The following AQP7B variants were observed in gnomAD, a reference collection of about 807,000 sequenced individuals.
AQP7B encodes the protein aquaporin 7B.
chr2:94,591,249 T>C, the AQP7B span, among the ~76,000 whole-genome samples: 1 of 152,138 alleles, frequency 6.6e-6, no homozygotes, highest in Non-Finnish European at 1.5e-5. Flanking sequence ...TCTAGCGGGC[T>C]CCTCACACTC....
chr2:94,598,092 G>T, the AQP7B span, among the ~76,000 whole-genome samples: 1 of 152,320 alleles, frequency 6.6e-6, no homozygotes, highest in East Asian at 1.9e-4. Flanking sequence ...TTGCTGTGCA[G>T]ATTTGTTGTG....
chr2:94,591,859 CA>C, the AQP7B span, among the ~76,000 whole-genome samples: 1 of 152,148 alleles, frequency 6.6e-6, no homozygotes, highest in African/African-American at 2.4e-5. Flanking sequence ...CTAGGCCATT[CA>C]CTTCCTCCAC....
chr2:94,587,671 G>A, the AQP7B span, among the ~76,000 whole-genome samples: 2 of 152,176 alleles, frequency 1.3e-5, no homozygotes, highest in Admixed American at 6.5e-5. Context: ...CAGTAGAGCA[G>A]AGATGGCAGG....
chr2:94,601,073 CAG>C, the AQP7B span, among the ~76,000 whole-genome samples: 1 of 152,046 alleles, frequency 6.6e-6, no homozygotes. Flanking sequence ...ACAAATAAAA[CAG>C]AGGCACAAGA....
At chr2:94,596,082 G>T in the AQP7B span, among the ~76,000 whole-genome samples, 360 of 152,344 alleles carry the variant, frequency 2.4e-3, 3 homozygotes, top group Middle Eastern at 6.8e-3. Flanking sequence ...CATGACAGAG[G>T]GGGGCAGTGG....
chr2:94,602,006 G>A, the AQP7B span, among the ~76,000 whole-genome samples: 1 of 148,918 alleles, frequency 6.7e-6, no homozygotes, highest in African/African-American at 2.5e-5. Flanking sequence ...AGCATTGTGG[G>A]AATTGCGGCG....
the AQP7B span, chr2:94,603,748 A>G: frequency 2.6e-6 from 4 of 1,516,370 alleles, no homozygotes; most frequent in African/African-American, 4.1e-5. Flanking sequence ...GTGTCTCTTC[A>G]CCATCACGGA....
chr2:94,603,553 A>G, the AQP7B span: 5 of 1,545,132 alleles, frequency 3.2e-6, no homozygotes, highest in East Asian at 2.3e-5. Flanking sequence ...CCCTCAGGAC[A>G]GAGCCAGCAG....
the AQP7B span, among the ~76,000 whole-genome samples, chr2:94,595,448 AAG>A: frequency 2.0e-5 from 3 of 152,076 alleles, no homozygotes; most frequent in East Asian, 1.9e-4. Context: ...AAAGAAAAAA[AAG>A]AAAAAAAAAG....
At chr2:94,593,514 T>G in the AQP7B span, among the ~76,000 whole-genome samples, 1 of 142,654 alleles carries the variant, frequency 7.0e-6, no homozygotes, top group Non-Finnish European at 1.5e-5. Flanking sequence ...AGATGGAGTC[T>G]CGCTCTTGTT....
the AQP7B span, among the ~76,000 whole-genome samples, chr2:94,591,379 TC>T: frequency 3.9e-5 from 6 of 152,090 alleles, no homozygotes; most frequent in Non-Finnish European, 8.8e-5. Context: ...CCCGCTCCCT[TC>T]CCTCTCTAAC....
chr2:94,598,084 G>T, the AQP7B span, among the ~76,000 whole-genome samples: 3 of 152,176 alleles, frequency 2.0e-5, no homozygotes, highest in African/African-American at 7.2e-5. Context: ...AAAAATTCTT[G>T]CTGTGCAGAT....
the AQP7B span, chr2:94,604,585 T>G: frequency 6.4e-7 from 1 of 1,559,794 alleles, no homozygotes; most frequent in Non-Finnish European, 8.7e-7. Flanking sequence ...CAGAGATTAT[T>G]TGTGATCCCA....
the AQP7B span, among the ~76,000 whole-genome samples, chr2:94,601,363 C>T: frequency 1.3e-5 from 2 of 152,130 alleles, no homozygotes; most frequent in Non-Finnish European, 2.9e-5. Flanking sequence ...TCAACAGAGC[C>T]TGAGACGCCC....
At chr2:94,590,530 A>T in the AQP7B span, among the ~76,000 whole-genome samples, 2 of 152,038 alleles carry the variant, frequency 1.3e-5, no homozygotes, top group Non-Finnish European at 2.9e-5. Flanking sequence ...TAGCAGGTTG[A>T]ATTGTTGGCT....
At chr2:94,593,277 A>T in the AQP7B span, among the ~76,000 whole-genome samples, 1 of 151,744 alleles carries the variant, frequency 6.6e-6, no homozygotes, top group Admixed American at 6.6e-5. Context: ...GCTGGCGGGT[A>T]AAGGAGCCTC....
At chr2:94,590,234 G>T in the AQP7B span, among the ~76,000 whole-genome samples, 1 of 152,238 alleles carries the variant, frequency 6.6e-6, no homozygotes, top group Admixed American at 6.5e-5. Context: ...CCATGCTGAA[G>T]TGCAGTGGCA....
the AQP7B span, among the ~76,000 whole-genome samples, chr2:94,595,640 T>G: frequency 6.6e-6 from 1 of 152,080 alleles, no homozygotes; most frequent in African/African-American, 2.4e-5. Context: ...GGGAACAAGT[T>G]AAGAGGCTGT....
At chr2:94,591,461 GCCACCACTTCT>G in the AQP7B span, among the ~76,000 whole-genome samples, 4 of 152,216 alleles carry the variant, frequency 2.6e-5, no homozygotes, top group Admixed American at 2.6e-4. Flanking sequence ...GGCTCAGGCT[GCCACCACTTCT>G]CCACCCATCT....
Sources: allele counts gnomAD v4.1 joint callset (sites outside exome capture counted in the v4.1 genomes callset), GRCh38; gene constraint gnomAD v4.1.1; transcripts MANE v1.5; gene names NCBI Gene and HGNC (gene_info 2026-07-23, HGNC 2026-07-21).